Variants in TMOD3 observed in about 807,000 individuals in gnomAD.
The protein encoded by TMOD3 is tropomodulin 3.
Under a neutral mutation model 39.2 loss-of-function variants are expected in TMOD3, and 20 were observed. That is an observed-to-expected ratio of 0.51 (90% CI 0.36 to 0.74). TMOD3 has a LOEUF of 0.74. TMOD3 is among the 30% of genes least tolerant of loss of function. The pLI is 0.00. For synonymous variants in TMOD3, 143 were observed against 145.8 expected (o/e 0.98, Z 0.14); for missense variants, 381 against 412.8 (o/e 0.92, Z 0.67).
At chr15:51,860,749 A>T in intron 1 of TMOD3, 1 of 373,852 alleles carries the variant, frequency 2.7e-6, no homozygotes, top group Admixed American at 3.7e-5. Flanking sequence ...CAGCCTGACC[A>T]ACAAGGTGAA....
chr15:51,867,433 C>G (rs1283043199), intron 2 of TMOD3, among the ~76,000 whole-genome samples: 4 of 152,066 alleles, frequency 2.6e-5, no homozygotes, highest in African/African-American at 9.7e-5. Flanking sequence ...CAGAAACATA[C>G]TTGGTACAAA....
At chr15:51,847,525 C>T (rs1246784165) in intron 1 of TMOD3, among the ~76,000 whole-genome samples, 2 of 152,262 alleles carry the variant, frequency 1.3e-5, no homozygotes, top group Non-Finnish European at 2.9e-5. Context: ...ATCCCCAAAA[C>T]GCCACAAAAA....
chr15:51,896,629 T>G, intron 7 of TMOD3, 103 bp downstream of exon 7: 1 of 806,208 alleles, frequency 1.2e-6, no homozygotes, highest in Non-Finnish European at 2.0e-6. Context: ...AGTTAATGTT[T>G]TAGCTCACTA....
chr15:51,881,354 T>C (rs1595903671), intron 3 of TMOD3, among the ~76,000 whole-genome samples: 1 of 152,288 alleles, frequency 6.6e-6, no homozygotes, highest in East Asian at 1.9e-4. Flanking sequence ...TCTTGCCAGA[T>C]ATATGGCTCA....
At chr15:51,862,356 G>C (rs1194813822) in intron 1 of TMOD3, among the ~76,000 whole-genome samples, 2 of 152,072 alleles carry the variant, frequency 1.3e-5, no homozygotes, top group Non-Finnish European at 2.9e-5. Flanking sequence ...GACCACTCCT[G>C]TCATGTGGAA....
At chr15:51,853,446 C>T (rs2056372164) in intron 1 of TMOD3, among the ~76,000 whole-genome samples, 1 of 152,172 alleles carries the variant, frequency 6.6e-6, no homozygotes, top group Non-Finnish European at 1.5e-5. Context: ...AGCGATCCTC[C>T]CTCCTTGGCT....
rs756864886 is a variant in TMOD3 at position 51,900,229 on chromosome 15, T to A, written c.810T>A (p.Val270=). The A allele has an allele frequency of 1.7e-5, 27 of 1,614,086 alleles. No homozygotes were observed. In the East Asian group the frequency reaches 5.8e-4, roughly 35 times the overall value. Residue 270 remains valine (V), a synonymous_variant, in exon 8 of 10, where the codon GTT becomes GTA. Coordinates refer to ENST00000308580, the MANE Select transcript of TMOD3 (RefSeq NM_014547.5). ...TGGAGTCCAACTTTATCACGGGAGT[T>A]GGGATTCTGGCACTGATTGATGCGT... ...LNVESNFITG[V]GILALIDALR... is the part of the protein sequence containing the mutation.
At chr15:51,872,814 A>G (rs921332720) in intron 3 of TMOD3, among the ~76,000 whole-genome samples, 1 of 152,172 alleles carries the variant, frequency 6.6e-6, no homozygotes, top group Non-Finnish European at 1.5e-5. Flanking sequence ...AAAGGATCAT[A>G]TGGGAGATGA....
At chr15:51,890,141 A>C (rs1181960017) in intron 5 of TMOD3, among the ~76,000 whole-genome samples, 1 of 151,222 alleles carries the variant, frequency 6.6e-6, no homozygotes, top group Non-Finnish European at 1.5e-5. Context: ...ATTGCAACTT[A>C]ATTTTTCAAT....
chr15:51,893,451 A>G (rs74947636), intron 5 of TMOD3, among the ~76,000 whole-genome samples: 2,339 of 151,878 alleles, frequency 0.015, 65 homozygotes, highest in East Asian at 0.076. Flanking sequence ...TACCAAGTCA[A>G]TTATCTGCAT....
In TMOD3 at chr15:51,854,061, G is replaced by A. The variant is rs551912110; in HGVS notation, c.-74-8750G>A. 2.4e-3 allele frequency among the ~76,000 whole-genome samples: 373 copies of A among 152,294 alleles called. 1 individual carries two copies. The highest frequency in any genetic ancestry group is 4.7e-3 in the Non-Finnish European group (318 of 68,024). ...TAGGCTATGTGATGGGGAGCAGTCC[G>A]AGATAATATAGGAAAACTAGCTAGT... On this transcript the variant is annotated intron_variant, in intron 1 of 9. Coordinates refer to ENST00000308580, the MANE Select transcript of TMOD3 (RefSeq NM_014547.5).
chr15:51,906,358 G>A (rs371573291), intron 9 of TMOD3, among the ~76,000 whole-genome samples: 3 of 152,310 alleles, frequency 2.0e-5, no homozygotes, highest in East Asian at 1.9e-4. Flanking sequence ...TTTTCACCTT[G>A]TAGATGGGGC....
chr15:51,876,482 G>C (rs1229791242), intron 3 of TMOD3, among the ~76,000 whole-genome samples: 1 of 137,316 alleles, frequency 7.3e-6, no homozygotes, highest in African/African-American at 2.7e-5. Context: ...TTTTTTTTGA[G>C]ATGGAGTCTC....
At chr15:51,892,443 G>C (rs1017545054) in intron 5 of TMOD3, 1 of 152,210 alleles carries the variant, frequency 6.6e-6, no homozygotes, top group Non-Finnish European at 1.5e-5. Context: ...GTCCTCTGTC[G>C]TTCACATCTG....
At chr15:51,907,351 C>G (rs1021219316) in intron 9 of TMOD3, 1 of 152,094 alleles carries the variant, frequency 6.6e-6, no homozygotes, top group South Asian at 2.1e-4. Context: ...AAGAGTCAGG[C>G]GAACTTAATT....
At chr15:51,899,704 C>T (rs188251825) in intron 7 of TMOD3, among the ~76,000 whole-genome samples, 4 of 151,892 alleles carry the variant, frequency 2.6e-5, no homozygotes, top group Admixed American at 2.6e-4. Context: ...TACAGTCATC[C>T]ATGGGTTCAA....
chr15:51,905,977 A>AAG (rs2056678358), intron 9 of TMOD3, among the ~76,000 whole-genome samples: 5 of 140,524 alleles, frequency 3.6e-5, no homozygotes, highest in Non-Finnish European at 7.7e-5. Context: ...AAAAAAAAAA[A>AAG]AAAGAAATTG....
At chr15:51,891,702 T>C (rs1476231563) in intron 5 of TMOD3, among the ~76,000 whole-genome samples, 1 of 150,774 alleles carries the variant, frequency 6.6e-6, no homozygotes, top group Non-Finnish European at 1.5e-5. Context: ...AAGAAATCTT[T>C]TGGTTTTATA....
At position 51,909,008 on chromosome 15, in the gene TMOD3, G is replaced by T. The variant is rs2056697061; in HGVS notation, c.*198G>T. 2 of 398,586 alleles carry T rather than the reference G, an allele frequency of 5.0e-6. No homozygotes were observed. The highest frequency in any genetic ancestry group is 4.1e-5 in the African/African-American group (2 of 48,292). The allele number at this position is 398,586 out of a possible 1,614,324, so 24.7% of individuals were successfully genotyped here. The stretch of plus-strand genomic sequence containing the variant: ...ATATTCTGAAACATTTCTACTTTCT[G>T]CTAAAATCAATTTTAATTTAGTTTA... On this transcript the variant is annotated 3_prime_UTR_variant, in exon 10 of 10. Coordinates refer to ENST00000308580, the MANE Select transcript of TMOD3 (RefSeq NM_014547.5).
Sources: allele counts gnomAD v4.1 joint callset (sites outside exome capture counted in the v4.1 genomes callset), GRCh38; gene constraint gnomAD v4.1.1; transcripts MANE v1.5; gene names NCBI Gene and HGNC (gene_info 2026-07-23, HGNC 2026-07-21).